FAM83B: variants seen among roughly 807,000 people sequenced by gnomAD.
The protein encoded by FAM83B is protein FAM83B.
In FAM83B, 26 loss-of-function variants were observed where a neutral mutation model predicts 38.8. That is an observed-to-expected ratio of 0.67 (90% CI 0.49 to 0.93). FAM83B has a LOEUF of 0.93. Ranked by LOEUF, FAM83B falls within the 40% of genes least tolerant of loss-of-function variation. The pLI, the probability that FAM83B is intolerant of heterozygous loss-of-function variation, is 0.00. For synonymous variants in FAM83B, 419 were observed against 423.1 expected (o/e 0.99, Z 0.12); for missense variants, 1,237 against 1,197.3 (o/e 1.03, Z -0.49).
chr6:54,945,077 A>G lies in FAM83B; in HGVS notation c.*3070A>G, dbSNP rs1178352337. ...GTTTTTAGATCAATAAATGAATAAT[A>G]AATAATTTTGTACAAACATCAATAT... On this transcript the variant is annotated 3_prime_UTR_variant, in exon 5 of 5. Transcript: ENST00000306858. The G allele has an allele frequency of 7.2e-5, 11 of 152,186 alleles. 1 individual carries two copies. Among genetic ancestry groups the G allele is most frequent in the Non-Finnish European group, 1.5e-5 (1 of 68,040 alleles). The allele number at this position is 152,186 out of a possible 1,614,324, so 9.4% of individuals were successfully genotyped here. A position where few individuals can be genotyped will look rare whatever the true frequency, so the allele number is the denominator to read the frequency against.
At chr6:54,917,832 G>T (rs1428575640) in intron 2 of FAM83B, among the ~76,000 whole-genome samples, 1 of 152,070 alleles carries the variant, frequency 6.6e-6, no homozygotes, top group African/African-American at 2.4e-5. Flanking sequence ...AAATTCTTCT[G>T]TTTTAGCAAG....
intron 2 of FAM83B, among the ~76,000 whole-genome samples, chr6:54,908,071 C>T (rs994597632): frequency 4.0e-5 from 6 of 150,290 alleles, no homozygotes; most frequent in Non-Finnish European, 7.4e-5. Flanking sequence ...AATAACAGGG[C>T]AGCTGTTGCT....
intron 1 of FAM83B, among the ~76,000 whole-genome samples, chr6:54,866,484 C>T (rs530876783): frequency 2.8e-4 from 42 of 152,184 alleles, no homozygotes; most frequent in African/African-American, 8.7e-4. Flanking sequence ...TCTACCTCTC[C>T]GACTGTCATT....
chr6:54,865,676 T>C (rs889497589), intron 1 of FAM83B, among the ~76,000 whole-genome samples: 7 of 152,146 alleles, frequency 4.6e-5, no homozygotes, highest in African/African-American at 1.7e-4. Context: ...CATTAGGTAA[T>C]TATAGCCTCG....
chr6:54,864,435 C>T (rs1771654790), intron 1 of FAM83B, among the ~76,000 whole-genome samples: 1 of 152,136 alleles, frequency 6.6e-6, no homozygotes, highest in Admixed American at 6.6e-5. Flanking sequence ...GATGTTTGCA[C>T]CCAACACCCT....
At chr6:54,891,165 A>G (rs1772392949) in intron 2 of FAM83B, among the ~76,000 whole-genome samples, 1 of 152,096 alleles carries the variant, frequency 6.6e-6, no homozygotes, top group Admixed American at 6.6e-5. Context: ...TAGTTTCCAT[A>G]AAGGGCTCTA....
At chr6:54,929,895 CAA>C in intron 4 of FAM83B, among the ~76,000 whole-genome samples, 1 of 152,024 alleles carries the variant, frequency 6.6e-6, no homozygotes, top group East Asian at 1.9e-4. Flanking sequence ...ATGTGCAGTA[CAA>C]AACAGTGACT....
intron 1 of FAM83B, among the ~76,000 whole-genome samples, chr6:54,852,282 C>A (rs985505447): frequency 1.3e-5 from 2 of 152,178 alleles, no homozygotes; most frequent in African/African-American, 4.8e-5. Context: ...TGCCATTTTT[C>A]CAACAGCACA....
At chr6:54,937,711 T>G (rs239795) in intron 4 of FAM83B, among the ~76,000 whole-genome samples, 1 of 152,214 alleles carries the variant, frequency 6.6e-6, no homozygotes, top group East Asian at 1.9e-4. Flanking sequence ...CCCAAGCTCA[T>G]GTGTCTACAA....
chr6:54,897,191 T>G (rs1055942368), intron 2 of FAM83B, among the ~76,000 whole-genome samples: 1 of 150,692 alleles, frequency 6.6e-6, no homozygotes, highest in Non-Finnish European at 1.5e-5. Flanking sequence ...CTAATACTGC[T>G]GCTACACTGG....
chr6:54,934,069 G>A (rs1199838303), intron 4 of FAM83B, among the ~76,000 whole-genome samples: 1 of 152,092 alleles, frequency 6.6e-6, no homozygotes, highest in Non-Finnish European at 1.5e-5. Flanking sequence ...ATTTCACAGA[G>A]GTCTTCTGTT....
intron 2 of FAM83B, among the ~76,000 whole-genome samples, chr6:54,922,675 A>G (rs1034642808): frequency 1.3e-5 from 2 of 152,070 alleles, no homozygotes; most frequent in African/African-American, 4.8e-5. Flanking sequence ...TGATTGGAGT[A>G]TGTTTCACAG....
chr6:54,901,927 C>T (rs1464813534), intron 2 of FAM83B, among the ~76,000 whole-genome samples: 2 of 152,086 alleles, frequency 1.3e-5, no homozygotes, highest in Non-Finnish European at 2.9e-5. Flanking sequence ...AGCTGTCTTC[C>T]CATCCGTGGT....
At position 54,870,579 on chromosome 6, in the gene FAM83B, G is replaced by C; in HGVS notation, c.333G>C (p.Val111=). The C allele has an allele frequency of 6.2e-7, 1 of 1,614,008 alleles. No individual in the cohort carries two copies. The highest frequency in any genetic ancestry group is 8.5e-7 in the Non-Finnish European group (1 of 1,179,974). Reference sequence around the variant, plus strand: ...ATCTTGACTTAGGCTGGCCATATGTGATGCCCGGACTCTTAGGGGGCACCC... The same window carrying C: ...ATCTTGACTTAGGCTGGCCATATGTCATGCCCGGACTCTTAGGGGGCACCC... ...APNLDLGWPY[V]MPGLLGGTHI... Residue 111 remains valine (V), a synonymous_variant, in exon 2 of 5, where the codon GTG becomes GTC. Coordinates refer to ENST00000306858, the MANE Select transcript of FAM83B (RefSeq NM_001010872.3).
intron 1 of FAM83B, among the ~76,000 whole-genome samples, chr6:54,857,823 G>A (rs1771477634): frequency 6.6e-6 from 1 of 152,078 alleles, no homozygotes; most frequent in Non-Finnish European, 1.5e-5. Flanking sequence ...CAGAGAGAGT[G>A]GGCACTCTCT....
chr6:54,908,157 A>G (rs1003852560), intron 2 of FAM83B, among the ~76,000 whole-genome samples: 3 of 148,970 alleles, frequency 2.0e-5, no homozygotes, highest in Non-Finnish European at 3.0e-5. Context: ...AAAGTCTAGC[A>G]ATTACTGTCA....
At chr6:54,912,282 A>G (rs1044540952) in intron 2 of FAM83B, among the ~76,000 whole-genome samples, 5 of 151,906 alleles carry the variant, frequency 3.3e-5, no homozygotes, top group South Asian at 2.1e-4. Context: ...GGCAATCTCA[A>G]TTTCAATAAA....
intron 2 of FAM83B, among the ~76,000 whole-genome samples, chr6:54,880,734 C>T (rs1382172694): frequency 2.6e-5 from 4 of 152,034 alleles, no homozygotes; most frequent in African/African-American, 9.7e-5. Context: ...TGAGCCACTG[C>T]GCCCAGTCGA....
chr6:54,872,094 A>G lies in FAM83B; in HGVS notation c.444+1404A>G, dbSNP rs917579234. Among the ~76,000 whole-genome samples the G allele has an allele frequency of 2.0e-5, 3 of 152,252 alleles. 1 individual carries two copies. On this transcript the variant is annotated intron_variant, in intron 2 of 4. Coordinates refer to ENST00000306858, the MANE Select transcript of FAM83B (RefSeq NM_001010872.3). Reference sequence around the variant, plus strand: ...AAAATGAGGTAATTTTTTTCCCTAAACCTTTTGAGTTTAAATAACCTGTCT... The same window carrying G: ...AAAATGAGGTAATTTTTTTCCCTAAGCCTTTTGAGTTTAAATAACCTGTCT...
Sources: gnomAD v4.1 joint callset for allele counts (sites outside exome capture counted in the v4.1 genomes callset) on GRCh38, gnomAD v4.1.1 for gene constraint, MANE v1.5 for transcripts, NCBI Gene and HGNC (gene_info 2026-07-23, HGNC 2026-07-21) for gene names.